TRIM23: variants seen among roughly 807,000 people sequenced by gnomAD.
TRIM23 encodes tripartite motif containing 23.
A neutral mutation model predicts 71.0 loss-of-function variants in TRIM23; 27 were observed. That is an observed-to-expected ratio of 0.38 (90% confidence interval 0.28 to 0.52). The LOEUF (loss-of-function observed/expected upper bound fraction) is 0.52, where lower values mean the gene tolerates loss of function less well. Ranked by LOEUF, TRIM23 falls within the 20% of genes least tolerant of loss-of-function variation. The pLI is 0.84. For synonymous variants in TRIM23, 234 were observed against 238.0 expected, an observed-to-expected ratio of 0.98 and a Z score of 0.16; for missense variants, 482 against 692.3, an observed-to-expected ratio of 0.70 and a Z score of 3.41.
Position 65,600,469 on chromosome 5 carries a change from G to A in TRIM23, c.1180-3289C>T, listed in dbSNP as rs575550452. ...GGAAACTGGATATCTACATGCAAAA[G>A]GATGTTATGTATCTTACACCACCTA... On this transcript the variant is annotated intron_variant, in intron 7 of 10. Transcript: ENST00000231524. Among the ~76,000 whole-genome samples the A allele has an allele frequency of 9.2e-5, 14 of 151,952 alleles. No individual in the cohort carries two copies. The South Asian group carries it at 2.7e-3, about 29-fold the overall frequency.
At chr5:65,605,287 T>G (rs1754465767) in intron 6 of TRIM23, among the ~76,000 whole-genome samples, 1 of 152,190 alleles carries the variant, frequency 6.6e-6, no homozygotes, top group South Asian at 2.1e-4. Flanking sequence ...AAACCATAGC[T>G]ACACGTGATG....
At chr5:65,604,119 AG>A (rs147850400) in intron 7 of TRIM23, among the ~76,000 whole-genome samples, 3,150 of 152,058 alleles carry the variant, frequency 0.021, 103 homozygotes, top group African/African-American at 0.072. Flanking sequence ...TTTTTGAGGC[AG>A]GGTTTTGCTC....
At chr5:65,603,146 C>A (rs1162338225) in intron 7 of TRIM23, among the ~76,000 whole-genome samples, 2 of 151,934 alleles carry the variant, frequency 1.3e-5, no homozygotes, top group Non-Finnish European at 2.9e-5. Flanking sequence ...TACCAGGGAC[C>A]GATGAGAGGG....
rs779233989 is a variant in TRIM23 at position 65,614,265 on chromosome 5, AT to A, written c.245-47del. ...AAAACTAAATCTAACAAAATGGACT[AT>A]TAATCATTTTACCCATACCTCAAAA... On this transcript the variant is annotated intron_variant, in intron 2 of 10. Transcript: ENST00000231524. 2.4e-4 allele frequency: 383 copies of A among 1,567,672 alleles called. 1 individual carries two copies. The highest frequency in any genetic ancestry group is 2.3e-3 in the Middle Eastern group (14 of 5,972).
chr5:65,597,737 T>C (rs1238855738), intron 7 of TRIM23, among the ~76,000 whole-genome samples: 1 of 152,214 alleles, frequency 6.6e-6, no homozygotes, highest in Non-Finnish European at 1.5e-5. Context: ...TCTTTACATT[T>C]CATAAACCAC....
At chr5:65,596,088 T>G (rs1465058921) in intron 9 of TRIM23, among the ~76,000 whole-genome samples, 3 of 152,148 alleles carry the variant, frequency 2.0e-5, no homozygotes, top group Non-Finnish European at 1.5e-5. Context: ...ACAACATAAA[T>G]TCAACTCTAT....
In TRIM23 at chr5:65,618,150, G is replaced by A; in HGVS notation, c.187C>T (p.Leu63=). 1 of 1,614,072 alleles carries A rather than the reference G, an allele frequency of 6.2e-7. No individual in the cohort carries two copies. Among genetic ancestry groups the A allele is most frequent in the Non-Finnish European group, 8.5e-7 (1 of 1,179,998 alleles). Residue 63 remains leucine, a synonymous_variant, in exon 2 of 11, where the codon CTA becomes TTA. Coordinates refer to ENST00000231524, the MANE Select transcript of TRIM23 (RefSeq NM_001656.4). ...HTVCHDCLTR[L]PLHGRAIRCP... is the part of the protein sequence containing the mutation. ...CGGATTGCTCTTCCATGAAGAGGTA[G>A]GCGAGTGAGACAGTCATGACAGACG...
intron 2 of TRIM23, among the ~76,000 whole-genome samples, chr5:65,616,029 A>C (rs1400257601): frequency 6.6e-6 from 1 of 152,308 alleles, no homozygotes; most frequent in East Asian, 1.9e-4. Flanking sequence ...TCTCTTATTA[A>C]CTTCTACCTG....
In TRIM23 at chr5:65,603,703, C is replaced by A. The variant is rs73763163; in HGVS notation, c.1179+1208G>T. ...AAAACATAATTAAATTAAAAAAAAA[C>A]CAGCCCCTAAAAATGGAAAGCAAAA... is the stretch of plus-strand genomic sequence containing the variant. On this transcript the variant is annotated intron_variant, in intron 7 of 10. Transcript: ENST00000231524. 6.3e-3 allele frequency among the ~76,000 whole-genome samples: 953 copies of A among 151,824 alleles called. 9 individuals are homozygous for A. The highest frequency in any genetic ancestry group is 0.02 in the African/African-American group (842 of 41,290).
chr5:65,596,480 T>A lies in TRIM23; in HGVS notation c.1361A>T (p.Asp454Val). 1 of 1,612,008 alleles carries A rather than the reference T, an allele frequency of 6.2e-7. No individual in the cohort carries two copies. The highest frequency in any genetic ancestry group is 8.5e-7 in the Non-Finnish European group (1 of 1,178,436). Residue 454 changes from aspartate (D) to valine (V), a missense_variant, in exon 9 of 11, where the codon GAT becomes GTT. By Grantham distance (152) the Asp-to-Val change is radical. Around this residue, in one of 2 missense-constraint regions of TRIM23, gnomAD observed 307 missense variants for 495.8 expected, o/e 0.62. Coordinates refer to ENST00000231524, the MANE Select transcript of TRIM23 (RefSeq NM_001656.4). ...TCTTAATTTGTGTTTTCCACCTACA[T>A]CCCAAATAGTGAATTTTAGATTTTT... The part of the protein sequence containing the change: ...EYKNLKFTIW[D>V]VGGKHKLRPL...
At position 65,590,366 on chromosome 5, in the gene TRIM23, C is replaced by T. The variant is rs1753984709; in HGVS notation, c.*1403G>A. 2.9e-6 allele frequency: 4 copies of T among 1,364,330 alleles called. No individual in the cohort carries two copies. The highest frequency in any genetic ancestry group is 2.9e-6 in the Non-Finnish European group (3 of 1,026,836). The allele number at this position is 1,364,330 out of a possible 1,614,324, so 84.5% of individuals were successfully genotyped here. A position where few individuals can be genotyped will look rare whatever the true frequency, so the allele number is the denominator to read the frequency against. ...ACATATTGCCCATAATACTGATAGGCTTTTTTTTTAATGCTTTGTTTTCTA... is the reference window on the plus strand; with the variant it reads ...ACATATTGCCCATAATACTGATAGGTTTTTTTTTTAATGCTTTGTTTTCTA... On this transcript the variant is annotated 3_prime_UTR_variant, in exon 11 of 11. Transcript: ENST00000231524.
intron 2 of TRIM23, among the ~76,000 whole-genome samples, chr5:65,616,641 T>TAAAA (rs746034795): frequency 7.9e-6 from 1 of 126,316 alleles, no homozygotes; most frequent in African/African-American, 3.0e-5. Context: ...CACTCTGCTT[T>TAAAA]AAAAAAAAAA....
At chr5:65,613,717 G>A in intron 3 of TRIM23, 1 of 1,182,230 alleles carries the variant, frequency 8.5e-7, no homozygotes, top group Non-Finnish European at 1.1e-6. Flanking sequence ...TGTATTAAAT[G>A]GCCTCTTACA....
chr5:65,611,901 T>C lies in TRIM23; in HGVS notation c.367-20A>G. 6.2e-7 allele frequency: 1 copy of C among 1,600,304 alleles called. No homozygotes were observed. On this transcript the variant is annotated intron_variant, in intron 3 of 10. Coordinates refer to ENST00000231524, the MANE Select transcript of TRIM23 (RefSeq NM_001656.4). Reference sequence around the variant, plus strand: ...GATGCTCTGATAAACAAAAAATTAATGCCTTAAAATTGAACCCAATCAGTA... The same window carrying C: ...GATGCTCTGATAAACAAAAAATTAACGCCTTAAAATTGAACCCAATCAGTA...
At chr5:65,609,546 T>G (rs930020508) in intron 5 of TRIM23, 88 bp from the exon 6 acceptor site, 1 of 1,340,340 alleles carries the variant, frequency 7.5e-7, no homozygotes, top group South Asian at 1.4e-5. Flanking sequence ...CTAGGCAACA[T>G]GGCAAAACTC....
Position 65,591,714 on chromosome 5 carries a change from C to A in TRIM23, c.*55G>T. ...GAGATGTATAATTTCTTAAAACATA[C>A]TATGTGCAAAGTTACTTTTAACCAC... is the stretch of plus-strand genomic sequence containing the variant. On this transcript the variant is annotated 3_prime_UTR_variant, in exon 11 of 11. Transcript: ENST00000231524. 3 of 1,525,068 alleles carry A rather than the reference C, an allele frequency of 2.0e-6. No homozygotes were observed. Among genetic ancestry groups the A allele is most frequent in the Non-Finnish European group, 2.7e-6 (3 of 1,131,720 alleles). 94.5% of individuals were successfully genotyped at this position (1,525,068 alleles called of 1,614,324 possible).
At chr5:65,593,205 C>T (rs926869070) in intron 10 of TRIM23, among the ~76,000 whole-genome samples, 8 of 152,190 alleles carry the variant, frequency 5.3e-5, no homozygotes, top group African/African-American at 1.9e-4. Flanking sequence ...GAGGATGAGG[C>T]GGGCAGATCA....
intron 6 of TRIM23, 32 bp from the exon 7 acceptor site, chr5:65,605,077 CT>C (rs772871562): frequency 6.4e-7 from 1 of 1,551,160 alleles, no homozygotes; most frequent in Non-Finnish European, 8.7e-7. Context: ...TTCTTATAAA[CT>C]TTTTATAAGA....
chr5:65,617,965 C>T, intron 2 of TRIM23, 128 bp downstream of exon 2: 1 of 1,006,254 alleles, frequency 9.9e-7, no homozygotes. Context: ...TTAATAGAAA[C>T]TTAGGCTTTC....
Sources: allele counts gnomAD v4.1 joint callset (sites outside exome capture counted in the v4.1 genomes callset), GRCh38; gene constraint gnomAD v4.1.1; regional missense constraint gnomAD v4.1.1; transcripts MANE v1.5; gene names NCBI Gene and HGNC (gene_info 2026-07-23, HGNC 2026-07-21).